The following MITF variants were observed in gnomAD, a reference collection of about 807,000 sequenced individuals.
MITF encodes the protein melanocyte inducing transcription factor.
In MITF, 17 loss-of-function variants were observed where a neutral mutation model predicts 60.5. That is an observed-to-expected ratio of 0.28 (90% CI 0.19 to 0.42). MITF has a LOEUF of 0.42. Among genes scored for constraint, MITF ranks in the 10% least tolerant of loss-of-function variants. The pLI, the probability that MITF is intolerant of heterozygous loss-of-function variation, is 1.00. For missense variants in MITF, 622 were observed against 683.5 expected (o/e 0.91, Z 1.00); for synonymous variants, 260 against 248.5 (o/e 1.05, Z -0.43).
At chr3:69,919,905 A>C (rs1231856855) in intron 2 of MITF, among the ~76,000 whole-genome samples, 1 of 152,158 alleles carries the variant, frequency 6.6e-6, no homozygotes, top group East Asian at 1.9e-4. Flanking sequence ...CCCAGGCGCC[A>C]AGGCAAGAGA....
At chr3:69,887,209 C>G (rs1575886195) in intron 2 of MITF, among the ~76,000 whole-genome samples, 1 of 152,104 alleles carries the variant, frequency 6.6e-6, no homozygotes, top group East Asian at 1.9e-4. Flanking sequence ...CAAATATTAC[C>G]TATTTAATCC....
At chr3:69,961,114 G>C in intron 9 of MITF, among the ~76,000 whole-genome samples, 1 of 152,292 alleles carries the variant, frequency 6.6e-6, no homozygotes, top group Middle Eastern at 3.4e-3. Flanking sequence ...GGCCGGGCAC[G>C]TGGCTCACGC....
Position 69,965,944 on chromosome 3 carries a change from CT to C in MITF, c.*697del, listed in dbSNP as rs1414120147. On this transcript the variant is annotated 3_prime_UTR_variant, in exon 10 of 10. Coordinates refer to ENST00000352241, the MANE Select transcript of MITF (RefSeq NM_001354604.2). ...TAATCTTGCTCTCTTTTATTCTGTGCTGTTACAGTTTTCTTCATCAATGAGT... is the reference window on the plus strand; with the variant it reads ...TAATCTTGCTCTCTTTTATTCTGTGCGTTACAGTTTTCTTCATCAATGAGT... The C allele has an allele frequency of 6.5e-5, 15 of 231,782 alleles. No homozygotes were observed. In the South Asian group the frequency reaches 7.3e-4, roughly 11 times the overall value. The allele number at this position is 231,782 out of a possible 1,614,324, so 14.4% of individuals were successfully genotyped here. A position where few individuals can be genotyped will look rare whatever the true frequency, so the allele number is the denominator to read the frequency against.
At chr3:69,805,391 T>C (rs1054564355) in intron 1 of MITF, among the ~76,000 whole-genome samples, 2 of 152,166 alleles carry the variant, frequency 1.3e-5, no homozygotes, top group Non-Finnish European at 1.5e-5. Flanking sequence ...CTTCCTTGGG[T>C]GGAGCAAAAA....
intron 1 of MITF, among the ~76,000 whole-genome samples, chr3:69,842,031 G>A (rs921650266): frequency 8.5e-5 from 13 of 152,296 alleles, no homozygotes; most frequent in Non-Finnish European, 1.3e-4. Flanking sequence ...TCCCGTTGAT[G>A]AATTAATAGT....
rs944236246 is a variant in MITF at position 69,936,842 on chromosome 3, A to G, written c.355-980A>G. The G allele has an allele frequency of 8.1e-6, 10 of 1,229,386 alleles. No homozygotes were observed. In the African/African-American group the frequency reaches 1.2e-4, roughly 15 times the overall value. 76.2% of individuals were successfully genotyped at this position (1,229,386 alleles called of 1,614,324 possible). ...CACTTTTTGTTATTGTAATAGACAT[A>G]CTGTTTTCAATAAGTATAAATCTGC... On this transcript the variant is annotated intron_variant, in intron 2 of 9. Coordinates refer to ENST00000352241, the MANE Select transcript of MITF (RefSeq NM_001354604.2).
intron 1 of MITF, among the ~76,000 whole-genome samples, chr3:69,757,206 A>G (rs1358650477): frequency 6.6e-6 from 1 of 152,150 alleles, no homozygotes; most frequent in Admixed American, 6.6e-5. Flanking sequence ...GTACCAATTA[A>G]AGGAATGCAT....
At chr3:69,901,868 G>A (rs2065002202) in intron 2 of MITF, among the ~76,000 whole-genome samples, 2 of 152,190 alleles carry the variant, frequency 1.3e-5, no homozygotes, top group Non-Finnish European at 1.5e-5. Context: ...GGCAATTAAG[G>A]GACCCATTTC....
chr3:69,924,869 A>G (rs2065550316), intron 2 of MITF, among the ~76,000 whole-genome samples: 1 of 152,200 alleles, frequency 6.6e-6, no homozygotes, highest in African/African-American at 2.4e-5. Context: ...CCCAGCTCTA[A>G]CGTTCATGTT....
At chr3:69,800,432 A>G (rs2062900771) in intron 1 of MITF, among the ~76,000 whole-genome samples, 1 of 152,120 alleles carries the variant, frequency 6.6e-6, no homozygotes, top group Non-Finnish European at 1.5e-5. Flanking sequence ...ATATGTTTTC[A>G]GTTCTCTTGA....
intron 1 of MITF, among the ~76,000 whole-genome samples, chr3:69,810,103 C>A (rs544138499): frequency 6.6e-6 from 1 of 152,098 alleles, no homozygotes; most frequent in Non-Finnish European, 1.5e-5. Flanking sequence ...ATTTTAAGCA[C>A]GCTCATCTAC....
intron 1 of MITF, among the ~76,000 whole-genome samples, chr3:69,802,084 C>G (rs547971909): frequency 6.6e-6 from 1 of 152,182 alleles, no homozygotes; most frequent in Non-Finnish European, 1.5e-5. Context: ...GAAAACAAGG[C>G]TTAAGTAACC....
chr3:69,832,526 T>C (rs1386555926), intron 1 of MITF, among the ~76,000 whole-genome samples: 1 of 152,238 alleles, frequency 6.6e-6, no homozygotes, highest in East Asian at 1.9e-4. Context: ...CCATCCTATC[T>C]TCATGCTTTC....
chr3:69,936,947 CTTT>C (rs79472179), intron 2 of MITF: 6,973 of 270,660 alleles, frequency 0.026, no homozygotes, highest in South Asian at 0.039. Context: ...TAGTAGGATT[CTTT>C]TTTTTTTTTT....
intron 2 of MITF, among the ~76,000 whole-genome samples, chr3:69,909,801 T>G (rs895982391): frequency 2.6e-5 from 4 of 152,160 alleles, no homozygotes; most frequent in Admixed American, 2.6e-4. Context: ...TGACTTTGGG[T>G]GCTGTTAAAA....
intron 1 of MITF, among the ~76,000 whole-genome samples, chr3:69,823,004 G>A (rs1302580619): frequency 6.6e-6 from 1 of 151,396 alleles, no homozygotes; most frequent in East Asian, 1.9e-4. Context: ...TCAGCCTTCT[G>A]AGTAGCTGGG....
At chr3:69,957,518 A>G (rs1218726182) in intron 8 of MITF, among the ~76,000 whole-genome samples, 1 of 152,228 alleles carries the variant, frequency 6.6e-6, no homozygotes, top group Non-Finnish European at 1.5e-5. Flanking sequence ...CCAGGTTTCA[A>G]GGAAAGGCAT....
intron 2 of MITF, among the ~76,000 whole-genome samples, chr3:69,932,433 C>T (rs2065744243): frequency 6.6e-6 from 1 of 152,040 alleles, no homozygotes; most frequent in Admixed American, 6.6e-5. Flanking sequence ...ACTTTATAGA[C>T]CATACAGGCA....
At chr3:69,837,365 C>A (rs1311444608) in intron 1 of MITF, among the ~76,000 whole-genome samples, 1 of 152,130 alleles carries the variant, frequency 6.6e-6, no homozygotes, top group Non-Finnish European at 1.5e-5. Context: ...GCAGGTATTA[C>A]TTTCTACCTT....
Sources: allele counts gnomAD v4.1 joint callset (sites outside exome capture counted in the v4.1 genomes callset), GRCh38; gene constraint gnomAD v4.1.1; transcripts MANE v1.5; gene names NCBI Gene and HGNC (gene_info 2026-07-23, HGNC 2026-07-21).